POLE: variants seen among roughly 807,000 people sequenced by gnomAD.
POLE encodes the protein DNA polymerase epsilon, catalytic subunit, also known as DNA polymerase epsilon catalytic subunit A.
Under a neutral mutation model 279.2 loss-of-function variants are expected in POLE, and 188 were observed. The ratio of observed to expected loss-of-function variants is 0.67; its 90% confidence interval spans 0.60 to 0.76. The LOEUF is 0.76. Among genes scored for constraint, POLE ranks in the 30% least tolerant of loss-of-function variants. The pLI is 0.00. For missense variants in POLE, 2,703 were observed against 3,016.7 expected, an observed-to-expected ratio of 0.90 and a Z score of 2.44; for synonymous variants, 1,214 against 1,172.5, an observed-to-expected ratio of 1.04 and a Z score of -0.72.
intron 16 of POLE, 118 bp downstream of exon 16, chr12:132,672,097 T>A (rs1399304945): frequency 2.8e-6 from 2 of 715,588 alleles, no homozygotes; most frequent in Admixed American, 2.1e-5. Flanking sequence ...AGAGACCCTG[T>A]GTCATCCGTC....
intron 41 of POLE, among the ~76,000 whole-genome samples, 163 bp downstream of exon 41, chr12:132,637,851 G>A (rs2042064276): frequency 6.6e-6 from 1 of 152,186 alleles, no homozygotes; most frequent in African/African-American, 2.4e-5. Context: ...CCGCGCACAG[G>A]TGGCGGTAAC....
intron 7 of POLE, 51 bp from the exon 8 acceptor site, chr12:132,677,494 T>C (rs2043080524): frequency 3.7e-6 from 6 of 1,609,132 alleles, no homozygotes; most frequent in Non-Finnish European, 5.1e-6. Flanking sequence ...GGAAAGTCTA[T>C]TCTTCTGTGG....
At position 132,667,703 on chromosome 12, in the gene POLE, G is replaced by A. The variant is rs1185295564; in HGVS notation, c.2174-55C>T. 40 of 1,592,382 alleles carry A rather than the reference G, an allele frequency of 2.5e-5. No homozygotes were observed. The Middle Eastern group carries it at 5.0e-4, about 20-fold the overall frequency. On this transcript the variant is annotated intron_variant, in intron 19 of 48. Coordinates refer to ENST00000320574, the MANE Select transcript of POLE (RefSeq NM_006231.4). ...TGGGTGAGATCTCCCAGAGCAGAGG[G>A]AGCCAGGGCACAGGGGTGCTGAAGA...
Position 132,677,578 on chromosome 12 carries a change from C to T in POLE, c.720G>A (p.Val240=), listed in dbSNP as rs757227169. The T allele has an allele frequency of 6.2e-7, 1 of 1,614,164 alleles. No individual in the cohort carries two copies. The highest frequency in any genetic ancestry group is 8.5e-7 in the Non-Finnish European group (1 of 1,180,020). ...AGCGACCCAACCCTGCCCCACTCAC[C>T]ACGTGGATCTTCAGGTCAATGGAGA... is the stretch of plus-strand genomic sequence containing the variant. ...IRLSIDLKIH[V]AHWYNVRYRG... is the part of the protein sequence containing the mutation. Residue 240 remains valine, a splice_region_variant and synonymous_variant, in exon 7 of 49, where the codon GTG becomes GTA. Coordinates refer to ENST00000320574, the MANE Select transcript of POLE (RefSeq NM_006231.4).
chr12:132,685,810 C>A (rs1435415753), intron 1 of POLE, among the ~76,000 whole-genome samples: 1 of 152,174 alleles, frequency 6.6e-6, no homozygotes, highest in East Asian at 1.9e-4. Flanking sequence ...CACTTGGTTT[C>A]TCCTCTGGGA....
At position 132,661,784 on chromosome 12, in the gene POLE, G is replaced by C. The variant is rs899355767; in HGVS notation, c.2707-100C>G. 1.6e-6 allele frequency: 2 copies of C among 1,232,682 alleles called. No homozygotes were observed. The highest frequency in any genetic ancestry group is 2.3e-6 in the Non-Finnish European group (2 of 878,742). 76.4% of individuals were successfully genotyped at this position (1,232,682 alleles called of 1,614,324 possible). Reference sequence around the variant, plus strand: ...AGGAGTGGATGGATTGACAAACCGAGGCTTTTCCACATAACTAACACGACT... The same window carrying C: ...AGGAGTGGATGGATTGACAAACCGACGCTTTTCCACATAACTAACACGACT... On this transcript the variant is annotated intron_variant, in intron 23 of 48. Coordinates refer to ENST00000320574, the MANE Select transcript of POLE (RefSeq NM_006231.4). This position sits in a 1 kb window ranked among gnomAD's most constrained non-coding sequence, Gnocchi z 4.1.
intron 29 of POLE, among the ~76,000 whole-genome samples, chr12:132,653,134 C>CT (rs2042459651): frequency 6.6e-6 from 1 of 152,118 alleles, no homozygotes; most frequent in African/African-American, 2.4e-5. Context: ...AATCCCAGTG[C>CT]TTTGGGGGGG....
rs759700878 is a variant in POLE, at chr12:132,677,617, G to A, written c.681C>T (p.Pro227=). 2 of 1,614,072 alleles carry A rather than the reference G, an allele frequency of 1.2e-6. No homozygotes were observed. The highest frequency in any genetic ancestry group is 1.3e-5 in the African/African-American group (1 of 74,930). Residue 227 remains proline (P), a synonymous_variant, in exon 7 of 49, where the codon CCC becomes CCT. Coordinates refer to ENST00000320574, the MANE Select transcript of POLE (RefSeq NM_006231.4). ...GGTCAATGGAGAGGCGGATGTGGTAGGGAACATCGTACTCGCGCATGTCCA... is the reference window on the plus strand; with the variant it reads ...GGTCAATGGAGAGGCGGATGTGGTAAGGAACATCGTACTCGCGCATGTCCA... ...NIVDMREYDV[P]YHIRLSIDLK... is the part of the protein sequence containing the mutation.
rs1057523088 is a variant in POLE at position 132,626,102 on chromosome 12, G to A, written c.6531+15C>T. Reference sequence around the variant, plus strand: ...TCTGCTCCACAGTGAAGGGCCCGCTGGAGCTCAGCCGCACCTCTGAGAAGG... The same window carrying A: ...TCTGCTCCACAGTGAAGGGCCCGCTAGAGCTCAGCCGCACCTCTGAGAAGG... On this transcript the variant is annotated intron_variant, in intron 46 of 48. Coordinates refer to ENST00000320574, the MANE Select transcript of POLE (RefSeq NM_006231.4). 2.5e-6 allele frequency: 4 copies of A among 1,581,634 alleles called. No homozygotes were observed. The highest frequency in any genetic ancestry group is 2.3e-5 in the East Asian group (1 of 42,956).
intron 20 of POLE, 64 bp downstream of exon 20, chr12:132,667,439 C>T (rs2135968541): frequency 1.9e-6 from 3 of 1,553,808 alleles, no homozygotes; most frequent in Admixed American, 1.7e-5. Flanking sequence ...CAAGAGTGCC[C>T]ACTTCATGAG....
At chr12:132,641,546 G>A in intron 39 of POLE, 101 bp downstream of exon 39, 1 of 974,224 alleles carries the variant, frequency 1.0e-6, no homozygotes, top group East Asian at 2.6e-5. Flanking sequence ...TTAAGACTAA[G>A]GGAAGCCCAA....
Position 132,664,539 on chromosome 12 carries a change from G to T in POLE, c.2469-77C>A. On this transcript the variant is annotated intron_variant, in intron 21 of 48. Transcript: ENST00000320574. This position sits in a 1 kb window ranked among gnomAD's most constrained non-coding sequence, Gnocchi z 5.3. ...GGTATCAGAGGCAGTGAGGAGTAGG[G>T]AGGAGGAAAGGAGAGATGCGACAGG... The T allele has an allele frequency of 9.2e-7, 1 of 1,088,672 alleles. No individual in the cohort carries two copies. Among genetic ancestry groups the T allele is most frequent in the South Asian group, 1.3e-5 (1 of 79,226 alleles). 67.4% of individuals were successfully genotyped at this position (1,088,672 alleles called of 1,614,324 possible).
rs1251511113 is a variant in POLE, at chr12:132,672,640, C to A, written c.1673G>T (p.Cys558Phe). 6.2e-7 allele frequency: 1 copy of A among 1,614,076 alleles called. No homozygotes were observed. Residue 558 changes from cysteine to phenylalanine, a missense_variant, in exon 15 of 49, where the codon TGC becomes TTC. By Grantham distance (205) the Cys-to-Phe change is radical (BLOSUM62 -2). Around this residue, in one of 5 missense-constraint regions of POLE, gnomAD observed 1,011 missense variants for 1,111.7 expected, o/e 0.91. Coordinates refer to ENST00000320574, the MANE Select transcript of POLE (RefSeq NM_006231.4). ...GAAGAAGCACACCATCCTAAACCGG[C>A]AAGGGATATCGCTGCGGAAAACCCC... Reference protein sequence around the residue: ...ESGVFRSDIPCRFRMNPAAFD... With the variant: ...ESGVFRSDIPFRFRMNPAAFD...
intron 1 of POLE, 127 bp downstream of exon 1, chr12:132,687,127 C>A: frequency 2.1e-6 from 1 of 487,768 alleles, no homozygotes. Flanking sequence ...CTACCCCAGT[C>A]AGGCGCGGCG....
At position 132,680,228 on chromosome 12, in the gene POLE, AAG is replaced by A. The variant is rs2043139110; in HGVS notation, c.286-8_286-7del. ...GGTTTATAGGGCAAAGCCACCTGTT[AAG>A]AGTCACCAACCCATCCAGGGGTGAT... On this transcript the variant is annotated splice_region_variant and splice_polypyrimidine_tract_variant and intron_variant, in intron 3 of 48. Transcript: ENST00000320574. The A allele has an allele frequency of 6.2e-7, 1 of 1,613,398 alleles. No individual in the cohort carries two copies. Among genetic ancestry groups the A allele is most frequent in the Non-Finnish European group, 8.5e-7 (1 of 1,179,312 alleles).
rs2136010920 is a variant in POLE at position 132,675,735 on chromosome 12, C to T, written c.1106G>A (p.Trp369Ter). ...ACTCATAGAGAAGACACAGACTCAC[C>T]AGTCAAAAAAGTCCCCGTTGTAGGT... The part of the protein sequence containing the change: ...MVTYNGDFFD[W>*]PFVEARAAVH... The change falls in exon 11 of 49, where the codon TGG becomes TAG. Residue 369 changes from tryptophan to a stop codon, truncating the protein, a stop_gained and splice_region_variant. Coordinates refer to ENST00000320574, the MANE Select transcript of POLE (RefSeq NM_006231.4). LOFTEE classifies it high-confidence loss of function. The surrounding 1 kb of genome is among the most constrained non-coding windows in gnomAD (Gnocchi z 4.3). 1.2e-6 allele frequency: 2 copies of T among 1,613,184 alleles called. No individual in the cohort carries two copies. Among genetic ancestry groups the T allele is most frequent in the Middle Eastern group, 1.7e-4 (1 of 6,046 alleles).
chr12:132,625,874 C>T (rs1469963907), intron 46 of POLE, 104 bp from the exon 47 acceptor site: 16 of 1,474,720 alleles, frequency 1.1e-5, no homozygotes, highest in East Asian at 2.3e-5. Context: ...CGCCTGGTGA[C>T]GGGCGAGTCT....
intron 1 of POLE, among the ~76,000 whole-genome samples, chr12:132,685,245 A>C (rs370592561): frequency 2.4e-4 from 34 of 140,194 alleles, no homozygotes; most frequent in African/African-American, 4.6e-4. Context: ...TCCCAGTACT[A>C]CACACAGGCT....
chr12:132,625,624 C>A (rs1328024283), intron 47 of POLE, 21 bp downstream of exon 47: 1 of 1,611,980 alleles, frequency 6.2e-7, no homozygotes. Flanking sequence ...GGCACACGGG[C>A]AGGCGGCATG....
Sources: gnomAD v4.1 joint callset for allele counts (sites outside exome capture counted in the v4.1 genomes callset) on GRCh38, gnomAD v4.1.1 for gene constraint, gnomAD v4.1.1 regional missense constraint, Gnocchi (gnomAD v3.1) non-coding constraint, MANE v1.5 for transcripts, NCBI Gene and HGNC (gene_info 2026-07-23, HGNC 2026-07-21) for gene names.